MPPE1: variants seen among roughly 807,000 people sequenced by gnomAD.
MPPE1 encodes the protein metallo phosphoesterase.
In MPPE1, 28 loss-of-function variants were observed where a neutral mutation model predicts 43.8. The observed-to-expected ratio is 0.64, with a 90% confidence interval of 0.47 to 0.88. The LOEUF (loss-of-function observed/expected upper bound fraction) is 0.88, where lower values mean the gene tolerates loss of function less well. Ranked by LOEUF, MPPE1 falls within the 40% of genes least tolerant of loss-of-function variation. MPPE1 has a pLI of 0.00. For missense variants in MPPE1, 428 were observed against 492.2 expected, an observed-to-expected ratio of 0.87 and a Z score of 1.23; for synonymous variants, 159 against 188.5, an observed-to-expected ratio of 0.84 and a Z score of 1.28.
Position 11,884,309 on chromosome 18 carries a change from C to T in MPPE1, c.*136G>A, listed in dbSNP as rs2036854645. The T allele has an allele frequency of 1.3e-6, 1 of 796,632 alleles. No individual in the cohort carries two copies. Among genetic ancestry groups the T allele is most frequent in the East Asian group, 2.5e-5 (1 of 40,792 alleles). 49.3% of individuals were successfully genotyped at this position (796,632 alleles called of 1,614,324 possible). On this transcript the variant is annotated 3_prime_UTR_variant, in exon 11 of 11. Transcript: ENST00000588072. ...ATCAACTATTTATTTTGCAGTTACTCATTTCAGTGATTGAGAATTTCTGTG... is the reference window on the plus strand; with the variant it reads ...ATCAACTATTTATTTTGCAGTTACTTATTTCAGTGATTGAGAATTTCTGTG...
intron 2 of MPPE1, among the ~76,000 whole-genome samples, chr18:11,904,926 G>A (rs1389217381): frequency 6.6e-6 from 1 of 151,902 alleles, no homozygotes; most frequent in Non-Finnish European, 1.5e-5. Context: ...CTAGGCGACA[G>A]AGCGAGACTC....
intron 3 of MPPE1, chr18:11,895,136 C>T (rs367921987): frequency 6.6e-6 from 1 of 152,128 alleles, no homozygotes; most frequent in Admixed American, 6.6e-5. Context: ...AATGCTATGT[C>T]CTGGGATATA....
rs1060108 is a variant in MPPE1, at chr18:11,885,781, A to G, written c.903T>C (p.Ser301=). The G allele has an allele frequency of 6.2e-7, 1 of 1,612,650 alleles. No individual in the cohort carries two copies. The highest frequency in any genetic ancestry group is 8.5e-7 in the Non-Finnish European group (1 of 1,178,984). ...CCTCGCAGGCGCTGTGCGTGTGGCC[A>G]CTGAGAACCAGGCGCGGCTGGAGCC... ...LWWLQPRLVL[S]GHTHSACEVH... is the part of the protein sequence containing the mutation. Residue 301 remains serine, a synonymous_variant, in exon 10 of 11, where the codon AGT becomes AGC. Coordinates refer to ENST00000588072, the MANE Select transcript of MPPE1 (RefSeq NM_023075.6).
intron 10 of MPPE1, 162 bp from the exon 11 acceptor site, chr18:11,884,789 G>A (rs1049155245): frequency 2.2e-6 from 3 of 1,362,650 alleles, no homozygotes; most frequent in Non-Finnish European, 2.9e-6. Flanking sequence ...CCTTCTCCCT[G>A]CACAGCTCAC....
In MPPE1 at chr18:11,892,271, C is replaced by T. The variant is rs536040944; in HGVS notation, c.390+1197G>A. Among the ~76,000 whole-genome samples the T allele has an allele frequency of 8.0e-5, 12 of 149,874 alleles. No individual in the cohort carries two copies. The South Asian group carries it at 2.3e-3, about 29-fold the overall frequency. On this transcript the variant is annotated intron_variant, in intron 4 of 10. Transcript: ENST00000588072. ...GGGAGAATCGCTTGAACCCAGAAGG[C>T]GGAGGTTGCAGTGAGCCAAAATCAC... is the stretch of plus-strand genomic sequence containing the variant.
At chr18:11,901,858 G>A (rs1306523300) in intron 2 of MPPE1, among the ~76,000 whole-genome samples, 1 of 151,998 alleles carries the variant, frequency 6.6e-6, no homozygotes, top group African/African-American at 2.4e-5. Flanking sequence ...AAATAAAGGG[G>A]GAACGGCAAA....
intron 1 of MPPE1, 60 bp from the exon 2 acceptor site, chr18:11,906,369 T>C (rs572072403): frequency 6.6e-6 from 1 of 152,220 alleles, no homozygotes; most frequent in African/African-American, 2.4e-5. Flanking sequence ...TAGTTAACTA[T>C]TAACAGGAAA....
Position 11,885,680 on chromosome 18 carries a change from A to T in MPPE1, c.1004T>A (p.Ile335Asn), listed in dbSNP as rs773985657. ...AAAAATAAACTTTCACGTTACCATG[A>T]TGAAACTGGGGTTGTTTCTGTTCCT... ...SWRNRNNPSF[I>N]MGSITPTDYT... The change falls in exon 10 of 11, where the codon ATC becomes AAC. Residue 335 changes from isoleucine to asparagine, a missense_variant. This residue lies in a region of MPPE1 where 379 missense variants were observed against 402.5 expected (regional missense o/e 0.94). Transcript: ENST00000588072. The T allele has an allele frequency of 7.4e-6, 12 of 1,612,418 alleles. No individual in the cohort carries two copies. Among genetic ancestry groups the T allele is most frequent in the Non-Finnish European group, 1.0e-5 (12 of 1,178,830 alleles).
intron 6 of MPPE1, among the ~76,000 whole-genome samples, chr18:11,887,658 G>A (rs593713): frequency 0.42 from 63,771 of 152,010 alleles, 16,696 homozygotes; most frequent in African/African-American, 0.73. Flanking sequence ...ACTAAATACG[G>A]TTTTATCTCC....
rs1214563892 is a variant in MPPE1, at chr18:11,900,860, TTG to T, written c.-92-3506_-92-3505del. Among the ~76,000 whole-genome samples, 3 of 149,048 alleles carry T rather than the reference TTG, an allele frequency of 2.0e-5. No individual in the cohort carries two copies. In the East Asian group the frequency reaches 5.9e-4, roughly 29 times the overall value. ...AGGCAAAGCCTGCAGTGAGCCGAGA[TTG>T]CGCCACTGCACTCCAGCCTGGGCGA... On this transcript the variant is annotated intron_variant, in intron 2 of 10. Coordinates refer to ENST00000588072, the MANE Select transcript of MPPE1 (RefSeq NM_023075.6).
Position 11,885,163 on chromosome 18 carries a change from A to C in MPPE1, c.1008+513T>G. ...ATTTGAAAATGTTAGGGTTTCCTCC[A>C]CCTTTTTATGAAGTAAAAGAACCTG... On this transcript the variant is annotated intron_variant, in intron 10 of 10. Coordinates refer to ENST00000588072, the MANE Select transcript of MPPE1 (RefSeq NM_023075.6). 2 of 750,636 alleles carry C rather than the reference A, an allele frequency of 2.7e-6. 1 individual carries two copies. The highest frequency in any genetic ancestry group is 4.0e-5 in the South Asian group (2 of 49,564). 46.5% of individuals were successfully genotyped at this position (750,636 alleles called of 1,614,324 possible).
intron 5 of MPPE1, among the ~76,000 whole-genome samples, 188 bp downstream of exon 5, chr18:11,889,199 A>C (rs2037682139): frequency 1.3e-5 from 2 of 152,184 alleles, no homozygotes; most frequent in African/African-American, 4.8e-5. Flanking sequence ...CATTCCACAG[A>C]TATTTGTTGA....
rs1466019148 is a variant in MPPE1 at position 11,893,462 on chromosome 18, T to G, written c.390+6A>C. On this transcript the variant is annotated splice_donor_region_variant and intron_variant, in intron 4 of 10. Coordinates refer to ENST00000588072, the MANE Select transcript of MPPE1 (RefSeq NM_023075.6). ...GGATGAGGGCACCTGGAACACAGAG[T>G]CCTACCTCAGGGGTGCTCCACTTCC... The G allele has an allele frequency of 5.0e-6, 8 of 1,604,040 alleles. No homozygotes were observed. The highest frequency in any genetic ancestry group is 6.0e-6 in the Non-Finnish European group (7 of 1,172,264).
At chr18:11,900,648 C>T (rs1387476164) in intron 2 of MPPE1, among the ~76,000 whole-genome samples, 1 of 152,116 alleles carries the variant, frequency 6.6e-6, no homozygotes, top group Non-Finnish European at 1.5e-5. Context: ...TGGCTCACAC[C>T]TGTAATCCCA....
rs538139427 is a variant in MPPE1, at chr18:11,898,645, G to A, written c.-92-1289C>T. 4.2e-4 allele frequency among the ~76,000 whole-genome samples: 64 copies of A among 151,766 alleles called. No individual in the cohort carries two copies. In the Middle Eastern group the frequency reaches 0.02, roughly 48 times the overall value. On this transcript the variant is annotated intron_variant, in intron 2 of 10. Coordinates refer to ENST00000588072, the MANE Select transcript of MPPE1 (RefSeq NM_023075.6). ...CTTTTGACATATTTTTCAGACTTTCGGGCAACTGATTTACCCTACCTGACT... is the reference window on the plus strand; with the variant it reads ...CTTTTGACATATTTTTCAGACTTTCAGGCAACTGATTTACCCTACCTGACT...
In MPPE1 at chr18:11,888,701, G is replaced by A. The variant is rs143153789; in HGVS notation, c.537C>T (p.Ser179=). 1,102 of 1,600,128 alleles carry A rather than the reference G, an allele frequency of 6.9e-4. 2 individuals carry two copies. Among genetic ancestry groups the A allele is most frequent in the African/African-American group, 6.1e-3 (450 of 74,172 alleles). Reference sequence around the variant, plus strand: ...CTTTCCAAGAAAACAGTCTTTCAGAGCTGAACACTTTCTCAAAGCGTTCTA... The same window carrying A: ...CTTTCCAAGAAAACAGTCTTTCAGAACTGAACACTTTCTCAAAGCGTTCTA... ...YKVERFEKVF[S]SERLFSWKGI... Residue 179 remains serine, a synonymous_variant, in exon 6 of 11, where the codon AGC becomes AGT. Coordinates refer to ENST00000588072, the MANE Select transcript of MPPE1 (RefSeq NM_023075.6).
intron 2 of MPPE1, among the ~76,000 whole-genome samples, chr18:11,904,332 T>TTG: frequency 6.6e-6 from 1 of 151,868 alleles, no homozygotes; most frequent in African/African-American, 2.4e-5. Context: ...TATTTTTTTT[T>TTG]GAGACAAGGT....
At chr18:11,890,945 A>G (rs946209822) in intron 4 of MPPE1, among the ~76,000 whole-genome samples, 25 of 152,234 alleles carry the variant, frequency 1.6e-4, no homozygotes, top group African/African-American at 6.0e-4. Context: ...AATTATTCTG[A>G]TACTTGCTTT....
At chr18:11,898,451 T>C (rs1308157629) in intron 2 of MPPE1, among the ~76,000 whole-genome samples, 1 of 152,174 alleles carries the variant, frequency 6.6e-6, no homozygotes, top group African/African-American at 2.4e-5. Context: ...CTTTGAAAAC[T>C]AATGAAAGGT....
Sources: gnomAD v4.1 joint callset for allele counts (sites outside exome capture counted in the v4.1 genomes callset) on GRCh38, gnomAD v4.1.1 for gene constraint, gnomAD v4.1.1 regional missense constraint, MANE v1.5 for transcripts, NCBI Gene and HGNC (gene_info 2026-07-23, HGNC 2026-07-21) for gene names.